EXTL3: variants seen among roughly 807,000 people sequenced by gnomAD.
EXTL3 encodes exostosin like glycosyltransferase 3.
In EXTL3, 27 loss-of-function variants were observed where a neutral mutation model predicts 69.3. That is an observed-to-expected ratio of 0.39 (90% CI 0.29 to 0.54). The LOEUF is 0.54. Ranked by LOEUF, EXTL3 falls within the 20% of genes least tolerant of loss-of-function variation. EXTL3 has a pLI of 0.69. For missense variants in EXTL3, 1,003 were observed against 1,231.8 expected (o/e 0.81, Z 2.78); for synonymous variants, 511 against 499.4 (o/e 1.02, Z -0.31).
rs150577660 is a variant in EXTL3, at chr8:28,754,931, A to G, written c.*4065A>G. 1.1e-4 allele frequency: 17 copies of G among 152,356 alleles called. No individual in the cohort carries two copies. The highest frequency in any genetic ancestry group is 4.1e-4 in the African/African-American group (17 of 41,570). The allele number at this position is 152,356 out of a possible 1,614,324, so 9.4% of individuals were successfully genotyped here. A position where few individuals can be genotyped will look rare whatever the true frequency, so the allele number is the denominator to read the frequency against. On this transcript the variant is annotated 3_prime_UTR_variant, in exon 7 of 7. Coordinates refer to ENST00000220562, the MANE Select transcript of EXTL3 (RefSeq NM_001440.4). ...AATTAGAATGTTATGAAGATACTGA[A>G]AAGAAGAAAGGAGAATGTAGTGGGT...
rs544479967 is a variant in EXTL3, at chr8:28,638,928, G to C, written c.-53+16118G>C. Among the ~76,000 whole-genome samples, 16 of 150,408 alleles carry C rather than the reference G, an allele frequency of 1.1e-4. No homozygotes were observed. The South Asian group carries it at 3.3e-3, about 31-fold the overall frequency. On this transcript the variant is annotated intron_variant, in intron 1 of 6. Transcript: ENST00000523149. ...TTACAGGTGTGAGCCACTGAGCCTGGCTAGGAATAATTTTTTTTTTTTTTT... is the reference window on the plus strand; with the variant it reads ...TTACAGGTGTGAGCCACTGAGCCTGCCTAGGAATAATTTTTTTTTTTTTTT...
chr8:28,661,247 A>G (rs1261425329), intron 1 of EXTL3, among the ~76,000 whole-genome samples: 1 of 151,990 alleles, frequency 6.6e-6, no homozygotes, highest in Admixed American at 6.6e-5. Context: ...TTTGAAGTGT[A>G]TAATTTGATA....
chr8:28,631,509 T>A (rs927208491), intron 1 of EXTL3: 2 of 152,214 alleles, frequency 1.3e-5, no homozygotes, highest in Admixed American at 1.3e-4. Context: ...AAATAAGAGC[T>A]AAGTGGTCCA....
intron 1 of EXTL3, among the ~76,000 whole-genome samples, chr8:28,668,324 C>CTTTTTTTTT (rs71549687): frequency 2.4e-5 from 2 of 82,556 alleles, no homozygotes; most frequent in African/African-American, 5.3e-5. Context: ...AGAGTTGTTA[C>CTTTTTTTTT]TTTTTTTTTT....
intron 4 of EXTL3, among the ~76,000 whole-genome samples, chr8:28,735,999 G>C (rs1035265153): frequency 6.6e-6 from 1 of 152,192 alleles, no homozygotes; most frequent in Non-Finnish European, 1.5e-5. Flanking sequence ...CTGTGGGAAG[G>C]TGGGAGTGGG....
intron 1 of EXTL3, among the ~76,000 whole-genome samples, chr8:28,695,509 C>A (rs988698838): frequency 3.3e-5 from 5 of 152,254 alleles, no homozygotes; most frequent in African/African-American, 1.2e-4. Flanking sequence ...TGAGGCTTCT[C>A]CATCTCTGGT....
chr8:28,722,468 AT>A (rs906364254), intron 3 of EXTL3, among the ~76,000 whole-genome samples: 3 of 151,878 alleles, frequency 2.0e-5, no homozygotes, highest in African/African-American at 7.3e-5. Context: ...AGAATGCACC[AT>A]TTTTTTTCCA....
At chr8:28,633,489 C>T (rs990419067) in intron 1 of EXTL3, among the ~76,000 whole-genome samples, 3 of 151,758 alleles carry the variant, frequency 2.0e-5, no homozygotes, top group African/African-American at 7.3e-5. Context: ...CAAAAATTAG[C>T]CGGGTGTGGT....
At chr8:28,681,781 T>C (rs1216890603) in intron 1 of EXTL3, among the ~76,000 whole-genome samples, 1 of 151,748 alleles carries the variant, frequency 6.6e-6, no homozygotes, top group Non-Finnish European at 1.5e-5. Context: ...AGGCTGGGCA[T>C]GGTAGCTCAC....
chr8:28,716,302 T>C lies in EXTL3; in HGVS notation c.243T>C (p.Asp81=), dbSNP rs756180786. The C allele has an allele frequency of 1.2e-6, 2 of 1,614,060 alleles. No individual in the cohort carries two copies. The highest frequency in any genetic ancestry group is 3.3e-5 in the Admixed American group (2 of 60,006). Residue 81 remains aspartate, a synonymous_variant, in exon 3 of 7, where the codon GAT becomes GAC. Transcript: ENST00000220562. This position sits in a 1 kb window ranked among gnomAD's most constrained non-coding sequence, Gnocchi z 7.1. ...TGTGCGAGGTGAAGCACGTGCTGGA[T>C]CTGTGCCGCATCCGGGAGTCGGTGA... ...NELCEVKHVL[D]LCRIRESVSE... is the part of the protein sequence containing the mutation.
At chr8:28,744,934 G>T (rs1801858969) in intron 6 of EXTL3, among the ~76,000 whole-genome samples, 1 of 152,218 alleles carries the variant, frequency 6.6e-6, no homozygotes, top group South Asian at 2.1e-4. Context: ...GTGCACTCCA[G>T]CCTGGGTGAC....
intron 1 of EXTL3, among the ~76,000 whole-genome samples, chr8:28,676,088 CAT>C (rs1807378399): frequency 6.7e-6 from 1 of 148,920 alleles, no homozygotes; most frequent in Non-Finnish European, 1.5e-5. Context: ...CTGGCTGAAA[CAT>C]AGACTCAAAG....
intron 1 of EXTL3, among the ~76,000 whole-genome samples, chr8:28,657,323 A>T (rs985563864): frequency 1.3e-5 from 2 of 152,146 alleles, no homozygotes; most frequent in Admixed American, 6.6e-5. Context: ...TGGGAGGAAG[A>T]CTGGGGAGGA....
At chr8:28,653,276 TATAGG>T (rs1806956113) in intron 1 of EXTL3, among the ~76,000 whole-genome samples, 2 of 152,226 alleles carry the variant, frequency 1.3e-5, no homozygotes, top group Non-Finnish European at 2.9e-5. Context: ...ATCAAACCCT[TATAGG>T]ATATATGATT....
chr8:28,740,708 AAC>A (rs1801758216), intron 5 of EXTL3: 1 of 152,146 alleles, frequency 6.6e-6, no homozygotes, highest in Admixed American at 6.5e-5. Flanking sequence ...GCCTGTCAAT[AAC>A]ACTTTTTAGA....
At chr8:28,615,686 G>A (rs1806321992) in intron 2 of EXTL3, among the ~76,000 whole-genome samples, 1 of 151,892 alleles carries the variant, frequency 6.6e-6, no homozygotes, top group Non-Finnish European at 1.5e-5. Context: ...TTCTGCCTCA[G>A]CCTCCCAAGT....
At chr8:28,637,711 T>C (rs1198052238) in intron 1 of EXTL3, among the ~76,000 whole-genome samples, 1 of 152,132 alleles carries the variant, frequency 6.6e-6, no homozygotes, top group African/African-American at 2.4e-5. Context: ...ATCTCTCTTA[T>C]TGATGATCAC....
chr8:28,709,203 C>T (rs77132948), intron 1 of EXTL3, among the ~76,000 whole-genome samples: 5 of 152,114 alleles, frequency 3.3e-5, no homozygotes, highest in South Asian at 2.1e-4. Flanking sequence ...TTGGTTTCCT[C>T]GTGTACAGAA....
chr8:28,663,672 G>A (rs1400606866), intron 1 of EXTL3, among the ~76,000 whole-genome samples: 1 of 152,036 alleles, frequency 6.6e-6, no homozygotes, highest in African/African-American at 2.4e-5. Flanking sequence ...GGCTGGTCTC[G>A]AACTCCTGAC....
Sources: allele counts gnomAD v4.1 joint callset (sites outside exome capture counted in the v4.1 genomes callset), GRCh38; gene constraint gnomAD v4.1.1; non-coding constraint Gnocchi (gnomAD v3.1); transcripts MANE v1.5; gene names NCBI Gene and HGNC (gene_info 2026-07-23, HGNC 2026-07-21).